SLC71A2: variants seen among roughly 807,000 people sequenced by gnomAD.
SLC71A2 encodes the protein hippocampus abundant transcript-like 1.
At chr9:94,456,676 GA>G in the SLC71A2 span, among the ~76,000 whole-genome samples, 7 of 152,092 alleles carry the variant, frequency 4.6e-5, no homozygotes, top group African/African-American at 1.7e-4. Context: ...ATTAAATAAT[GA>G]AAAACCAGTT....
the SLC71A2 span, among the ~76,000 whole-genome samples, chr9:94,442,860 C>T: frequency 1.3e-5 from 2 of 151,186 alleles, no homozygotes; most frequent in African/African-American, 2.4e-5. Context: ...AAAAAAATGT[C>T]CCCCAAAACT....
At chr9:94,410,180 T>C in the SLC71A2 span, among the ~76,000 whole-genome samples, 1 of 151,836 alleles carries the variant, frequency 6.6e-6, no homozygotes, top group African/African-American at 2.4e-5. Context: ...ATTGTAGCCT[T>C]AAACTCCTGC....
At chr9:94,435,820 A>G in the SLC71A2 span, among the ~76,000 whole-genome samples, 2 of 151,756 alleles carry the variant, frequency 1.3e-5, no homozygotes, top group African/African-American at 4.8e-5. Flanking sequence ...ATGCCTGGCT[A>G]ATTTTGTATT....
chr9:94,437,705 T>A, the SLC71A2 span, among the ~76,000 whole-genome samples: 1 of 144,848 alleles, frequency 6.9e-6, no homozygotes, highest in Non-Finnish European at 1.5e-5. Flanking sequence ...TTGTACCAGT[T>A]AATGCAGTTT....
the SLC71A2 span, among the ~76,000 whole-genome samples, chr9:94,435,285 A>C: frequency 6.6e-6 from 1 of 152,202 alleles, no homozygotes; most frequent in Non-Finnish European, 1.5e-5. Flanking sequence ...GAGAAATTTC[A>C]GTCTCCCATC....
the SLC71A2 span, among the ~76,000 whole-genome samples, chr9:94,397,008 G>A: frequency 6.6e-6 from 1 of 152,194 alleles, no homozygotes; most frequent in Admixed American, 6.5e-5. Context: ...GACCTCAGGT[G>A]ATCCACCTGC....
chr9:94,409,786 G>A, the SLC71A2 span, among the ~76,000 whole-genome samples: 1 of 151,676 alleles, frequency 6.6e-6, no homozygotes, highest in East Asian at 1.9e-4. Flanking sequence ...AGTTAATGAT[G>A]TCTAATTTCA....
At chr9:94,394,415 A>C in the SLC71A2 span, among the ~76,000 whole-genome samples, 1 of 95,562 alleles carries the variant, frequency 1.0e-5, no homozygotes, top group Non-Finnish European at 2.8e-5. Flanking sequence ...CATCTTCTAC[A>C]TCCTTATGTT....
the SLC71A2 span, among the ~76,000 whole-genome samples, chr9:94,422,935 C>CT: frequency 0.031 from 4,165 of 134,546 alleles, 163 homozygotes; most frequent in East Asian, 0.23. Context: ...GTCTTTCTTC[C>CT]TTTTTTTTTT....
chr9:94,378,103 G>A, the SLC71A2 span, among the ~76,000 whole-genome samples: 1 of 144,832 alleles, frequency 6.9e-6, no homozygotes, highest in Non-Finnish European at 1.5e-5. Flanking sequence ...CTCCAGCCTG[G>A]CGACAGAGCG....
the SLC71A2 span, among the ~76,000 whole-genome samples, chr9:94,405,408 T>A: frequency 3.7e-4 from 55 of 148,002 alleles, no homozygotes; most frequent in Non-Finnish European, 1.5e-4. Flanking sequence ...GGCAGGAGAA[T>A]GGCATGAACC....
chr9:94,377,553 T>TCA, the SLC71A2 span, among the ~76,000 whole-genome samples: 1 of 132,084 alleles, frequency 7.6e-6, no homozygotes, highest in Non-Finnish European at 1.6e-5. Flanking sequence ...TTTTTTTTTT[T>TCA]AATTTATTTT....
chr9:94,426,700 A>G, the SLC71A2 span, among the ~76,000 whole-genome samples: 1 of 152,212 alleles, frequency 6.6e-6, no homozygotes, highest in Non-Finnish European at 1.5e-5. Context: ...TTTAAAAGTG[A>G]TAAGCAAGTG....
the SLC71A2 span, among the ~76,000 whole-genome samples, chr9:94,418,250 C>G: frequency 1.3e-5 from 2 of 152,078 alleles, no homozygotes; most frequent in Admixed American, 1.3e-4. Context: ...GTTTTCTATG[C>G]TTTTGTTTGA....
the SLC71A2 span, chr9:94,451,383 G>A: frequency 2.7e-6 from 2 of 745,562 alleles, no homozygotes; most frequent in Non-Finnish European, 4.1e-6. Flanking sequence ...ACTTATCATT[G>A]TAATAGAACA....
chr9:94,424,256 A>G, the SLC71A2 span, among the ~76,000 whole-genome samples: 142 of 151,996 alleles, frequency 9.3e-4, no homozygotes, highest in Non-Finnish European at 1.2e-3. Flanking sequence ...GGGGGGAGCA[A>G]TGGAGTCTCA....
chr9:94,427,862 G>T, the SLC71A2 span, among the ~76,000 whole-genome samples: 1 of 147,312 alleles, frequency 6.8e-6, no homozygotes, highest in Non-Finnish European at 1.5e-5. Flanking sequence ...AGTGGCTCAC[G>T]CCTGTAATCC....
the SLC71A2 span, chr9:94,453,916 G>A: frequency 3.1e-6 from 4 of 1,282,596 alleles, no homozygotes; most frequent in Non-Finnish European, 4.6e-6. Flanking sequence ...TTAATTCTGT[G>A]TGTTGATGTG....
chr9:94,442,376 C>T, the SLC71A2 span, among the ~76,000 whole-genome samples: 3 of 152,156 alleles, frequency 2.0e-5, no homozygotes, highest in Non-Finnish European at 4.4e-5. Flanking sequence ...CCCCACTTCC[C>T]TCTGACTCTT....
Sources: gnomAD v4.1 joint callset for allele counts (sites outside exome capture counted in the v4.1 genomes callset) on GRCh38, gnomAD v4.1.1 for gene constraint, MANE v1.5 for transcripts, NCBI Gene and HGNC (gene_info 2026-07-23, HGNC 2026-07-21) for gene names.